Variants in PAAF1 observed in about 807,000 individuals in gnomAD.
PAAF1 encodes the protein proteasomal ATPase associated factor 1, also known as proteasomal ATPase-associated factor 1.
Under a neutral mutation model 52.8 loss-of-function variants are expected in PAAF1, and 46 were observed. That is an observed-to-expected ratio of 0.87 (90% CI 0.69 to 1.11). The LOEUF (loss-of-function observed/expected upper bound fraction) is 1.11. PAAF1 is among the 50% of genes most tolerant of loss of function. The probability of loss-of-function intolerance (pLI) is 0.00; values close to 1 mark genes in which losing one functional copy is unlikely to be tolerated. For missense variants in PAAF1, 424 were observed against 477.4 expected, an observed-to-expected ratio of 0.89 and a Z score of 1.04; for synonymous variants, 178 against 172.8, an observed-to-expected ratio of 1.03 and a Z score of -0.24.
intron 6 of PAAF1, among the ~76,000 whole-genome samples, chr11:73,909,176 C>A (rs1949858100): frequency 6.6e-6 from 1 of 152,168 alleles, no homozygotes; most frequent in South Asian, 2.1e-4. Context: ...AAAATTAAAT[C>A]CAGTACTTGT....
At chr11:73,926,893 ATCC>A (rs1190402648) in intron 11 of PAAF1, among the ~76,000 whole-genome samples, 3 of 151,906 alleles carry the variant, frequency 2.0e-5, no homozygotes, top group Non-Finnish European at 4.4e-5. Flanking sequence ...AGTTGATGAA[ATCC>A]TCCTCAGAAA....
rs1341636013 is a variant in PAAF1 at position 73,877,064 on chromosome 11, C to T, written c.43C>T (p.Leu15Phe). ...LRIQSDWAQALRKDEGEAWLS... is the reference protein window; with the variant it reads ...LRIQSDWAQAFRKDEGEAWLS... Reference sequence around the variant, plus strand: ...GATTCAGAGCGACTGGGCGCAAGCCCTCAGGTGAATCCAGGCCCAGAACAG... The same window carrying T: ...GATTCAGAGCGACTGGGCGCAAGCCTTCAGGTGAATCCAGGCCCAGAACAG... Residue 15 changes from leucine (L) to phenylalanine (F), a missense_variant, in exon 1 of 12, where the codon CTC becomes TTC. Coordinates refer to ENST00000310571, the MANE Select transcript of PAAF1 (RefSeq NM_025155.3). The T allele has an allele frequency of 2.0e-6, 3 of 1,537,712 alleles. No individual in the cohort carries two copies. In the South Asian group the frequency reaches 3.7e-5, roughly 19 times the overall value.
chr11:73,900,968 C>G (rs368581380), intron 6 of PAAF1, among the ~76,000 whole-genome samples: 10 of 111,568 alleles, frequency 9.0e-5, no homozygotes, highest in South Asian at 6.1e-4. Flanking sequence ...GGCGACAGAG[C>G]GAGACTCCGT....
At chr11:73,908,397 A>ATG (rs200800667) in intron 6 of PAAF1, among the ~76,000 whole-genome samples, 17 of 142,264 alleles carry the variant, frequency 1.2e-4, no homozygotes, top group Non-Finnish European at 1.5e-5. Flanking sequence ...GTATATATAT[A>ATG]TGTGTATATA....
chr11:73,914,558 G>A, intron 8 of PAAF1, 54 bp downstream of exon 8: 1 of 1,470,024 alleles, frequency 6.8e-7, no homozygotes, highest in Non-Finnish European at 9.5e-7. Context: ...GTCACTCTGT[G>A]TCTTAGAAAG....
At chr11:73,907,584 G>T (rs1363082996) in intron 6 of PAAF1, among the ~76,000 whole-genome samples, 1 of 152,188 alleles carries the variant, frequency 6.6e-6, no homozygotes, top group Admixed American at 6.5e-5. Context: ...GCCTGTCACT[G>T]CCAGGTGGGG....
chr11:73,909,005 T>A (rs1233014260), intron 6 of PAAF1, among the ~76,000 whole-genome samples: 1 of 152,086 alleles, frequency 6.6e-6, no homozygotes, highest in Non-Finnish European at 1.5e-5. Context: ...TAGGCTGGTC[T>A]TGAACTGCTG....
intron 2 of PAAF1, among the ~76,000 whole-genome samples, chr11:73,881,417 C>T (rs1362935885): frequency 6.6e-6 from 1 of 152,128 alleles, no homozygotes; most frequent in Non-Finnish European, 1.5e-5. Flanking sequence ...TCCTGAATAG[C>T]TGGGACTACA....
chr11:73,912,571 T>TA (rs1317046923), intron 7 of PAAF1, among the ~76,000 whole-genome samples: 1 of 152,202 alleles, frequency 6.6e-6, no homozygotes, highest in African/African-American at 2.4e-5. Flanking sequence ...TATCATCATC[T>TA]ATTGCCTGTA....
chr11:73,904,644 C>T (rs1432257040), intron 6 of PAAF1, among the ~76,000 whole-genome samples: 3 of 151,214 alleles, frequency 2.0e-5, no homozygotes, highest in African/African-American at 4.9e-5. Flanking sequence ...ATTTTTTTTT[C>T]GGAGATCTGA....
intron 6 of PAAF1, among the ~76,000 whole-genome samples, chr11:73,908,821 T>A (rs1949848469): frequency 6.6e-6 from 1 of 151,778 alleles, no homozygotes. Context: ...AGACGGAGTC[T>A]CCTCTGTTGA....
At chr11:73,921,832 G>A in intron 10 of PAAF1, 1 of 1,129,988 alleles carries the variant, frequency 8.8e-7, no homozygotes, top group Middle Eastern at 2.1e-4. Context: ...TTTGTTTGCA[G>A]GTTTGGGATA....
intron 6 of PAAF1, among the ~76,000 whole-genome samples, chr11:73,908,336 T>G (rs1460157964): frequency 8.9e-6 from 1 of 112,226 alleles, no homozygotes; most frequent in African/African-American, 3.1e-5. Context: ...TGTATATATA[T>G]GTGTATATAT....
At chr11:73,893,837 T>C (rs1046660253) in intron 4 of PAAF1, among the ~76,000 whole-genome samples, 7 of 149,828 alleles carry the variant, frequency 4.7e-5, no homozygotes, top group Non-Finnish European at 1.0e-4. Flanking sequence ...GAAAGGAGAA[T>C]CACTTGAGCC....
chr11:73,899,360 G>T, intron 5 of PAAF1, 116 bp downstream of exon 5: 4 of 559,664 alleles, frequency 7.1e-6, no homozygotes, highest in Non-Finnish European at 1.3e-5. Context: ...CACTCTGCAT[G>T]TCAGTTGATC....
intron 4 of PAAF1, among the ~76,000 whole-genome samples, chr11:73,893,143 T>C (rs1949243364): frequency 6.6e-6 from 1 of 152,224 alleles, no homozygotes; most frequent in South Asian, 2.1e-4. Flanking sequence ...AATACATTTA[T>C]AGCTAAAGTT....
intron 1 of PAAF1, among the ~76,000 whole-genome samples, chr11:73,877,835 G>A (rs142711222): frequency 0.011 from 1,647 of 152,170 alleles, 22 homozygotes; most frequent in African/African-American, 0.038. Context: ...GCAGTGAGCC[G>A]AGATTGCACC....
intron 11 of PAAF1, among the ~76,000 whole-genome samples, 180 bp downstream of exon 11, chr11:73,924,877 G>C (rs1216388511): frequency 6.6e-6 from 1 of 152,180 alleles, no homozygotes; most frequent in Non-Finnish European, 1.5e-5. Flanking sequence ...TCTGGGCCAG[G>C]CATGGTGGCT....
chr11:73,927,460 A>G lies in PAAF1; in HGVS notation c.*98A>G. Reference sequence around the variant, plus strand: ...TCCTTCCCAAGGACCATGGCGTTTAATGTCTTGGGCACCCCTTGGAAATCA... The same window carrying G: ...TCCTTCCCAAGGACCATGGCGTTTAGTGTCTTGGGCACCCCTTGGAAATCA... On this transcript the variant is annotated 3_prime_UTR_variant, in exon 12 of 12. Coordinates refer to ENST00000310571, the MANE Select transcript of PAAF1 (RefSeq NM_025155.3). 9.8e-7 allele frequency: 1 copy of G among 1,024,956 alleles called. No individual in the cohort carries two copies. The highest frequency in any genetic ancestry group is 2.5e-5 in the East Asian group (1 of 39,642). 63.5% of individuals were successfully genotyped at this position (1,024,956 alleles called of 1,614,324 possible).
Sources: allele counts gnomAD v4.1 joint callset (sites outside exome capture counted in the v4.1 genomes callset), GRCh38; gene constraint gnomAD v4.1.1; transcripts MANE v1.5; gene names NCBI Gene and HGNC (gene_info 2026-07-23, HGNC 2026-07-21).